AKT3: variants seen among roughly 807,000 people sequenced by gnomAD.
The protein encoded by AKT3 is RAC-gamma serine/threonine-protein kinase.
In AKT3, 15 loss-of-function variants were observed where a neutral mutation model predicts 65.3. The ratio of observed to expected loss-of-function variants is 0.23; its 90% CI spans 0.15 to 0.35. The LOEUF is 0.35. Among genes scored for constraint, AKT3 ranks in the 10% least tolerant of loss-of-function variants. The pLI is 1.00. For missense variants in AKT3, 243 were observed against 576.5 expected, an observed-to-expected ratio of 0.42 and a Z score of 5.92; for synonymous variants, 206 against 183.8, an observed-to-expected ratio of 1.12 and a Z score of -0.98.
intron 2 of AKT3, among the ~76,000 whole-genome samples, chr1:243,773,495 T>C (rs1288016697): frequency 1.3e-5 from 2 of 152,034 alleles, no homozygotes; most frequent in Non-Finnish European, 2.9e-5. Context: ...TAAGCTGTAG[T>C]CCCAGCTACT....
At chr1:243,606,741 T>C (rs1225562659) in intron 8 of AKT3, among the ~76,000 whole-genome samples, 1 of 152,174 alleles carries the variant, frequency 6.6e-6, no homozygotes, top group East Asian at 1.9e-4. Flanking sequence ...TTCAGAGACC[T>C]TTGCAGCAGC....
chr1:243,506,998 T>C (rs1669710681), intron 13 of AKT3, among the ~76,000 whole-genome samples: 1 of 152,254 alleles, frequency 6.6e-6, no homozygotes, highest in Admixed American at 6.5e-5. Context: ...TACGGGCAGC[T>C]AAAACCTTAA....
At chr1:243,780,914 A>C (rs1690867368) in intron 2 of AKT3, among the ~76,000 whole-genome samples, 1 of 152,038 alleles carries the variant, frequency 6.6e-6, no homozygotes, top group East Asian at 1.9e-4. Flanking sequence ...TAAAAAAATA[A>C]GTAAATAAAC....
intron 2 of AKT3, among the ~76,000 whole-genome samples, chr1:243,742,271 A>C (rs1298516842): frequency 6.6e-6 from 1 of 152,162 alleles, no homozygotes; most frequent in Non-Finnish European, 1.5e-5. Context: ...TTTTTAAAAA[A>C]GCAAAACTAG....
chr1:243,850,295 A>C (rs1300897824), upstream of AKT3, among the ~76,000 whole-genome samples: 3 of 118,258 alleles, frequency 2.5e-5, no homozygotes, highest in Non-Finnish European at 5.2e-5. Flanking sequence ...CTGGAGCGGG[A>C]GGCGGCGGCG....
chr1:243,657,570 C>T (rs1318156825), intron 4 of AKT3, among the ~76,000 whole-genome samples: 1 of 151,962 alleles, frequency 6.6e-6, no homozygotes, highest in East Asian at 1.9e-4. Flanking sequence ...GTCAACACCA[C>T]AAAGTAAGCT....
intron 5 of AKT3, among the ~76,000 whole-genome samples, 189 bp downstream of exon 5, chr1:243,645,704 T>A (rs1353534412): frequency 6.6e-6 from 1 of 152,222 alleles, no homozygotes; most frequent in Non-Finnish European, 1.5e-5. Flanking sequence ...AAGTGCTGGA[T>A]CACTGAAACA....
intron 2 of AKT3, among the ~76,000 whole-genome samples, chr1:243,822,490 G>C (rs190946907): frequency 1.5e-3 from 222 of 150,606 alleles, no homozygotes; most frequent in Non-Finnish European, 2.0e-3. Context: ...ACTAATCCAG[G>C]AGCTGGTTTT....
At chr1:243,640,411 C>G (rs1042104118) in intron 5 of AKT3, among the ~76,000 whole-genome samples, 8 of 152,154 alleles carry the variant, frequency 5.3e-5, no homozygotes, top group Non-Finnish European at 2.9e-5. Context: ...TCTCTCTCCC[C>G]GGGCTAACCC....
At chr1:243,549,691 C>T (rs1041128741) in intron 11 of AKT3, among the ~76,000 whole-genome samples, 27 of 152,084 alleles carry the variant, frequency 1.8e-4, no homozygotes, top group African/African-American at 6.3e-4. Flanking sequence ...TCCCAAAGTG[C>T]GGGGATTACA....
intron 2 of AKT3, among the ~76,000 whole-genome samples, chr1:243,780,135 G>C (rs1056836330): frequency 6.6e-6 from 1 of 151,998 alleles, no homozygotes; most frequent in Non-Finnish European, 1.5e-5. Context: ...TAATCTCAAA[G>C]AATCATACGA....
At chr1:243,574,223 G>A (rs1197275964) in intron 8 of AKT3, among the ~76,000 whole-genome samples, 1 of 151,900 alleles carries the variant, frequency 6.6e-6, no homozygotes, top group African/African-American at 2.4e-5. Flanking sequence ...CATAAAACAG[G>A]TTCCCTATAA....
At chr1:243,770,871 CAG>C (rs1462976961) in intron 2 of AKT3, among the ~76,000 whole-genome samples, 2 of 151,972 alleles carry the variant, frequency 1.3e-5, no homozygotes, top group Non-Finnish European at 2.9e-5. Flanking sequence ...ACTGTAGAAA[CAG>C]AGTCTGCCTG....
chr1:243,784,319 G>C (rs1691108290), intron 2 of AKT3, among the ~76,000 whole-genome samples: 1 of 151,986 alleles, frequency 6.6e-6, no homozygotes, highest in Non-Finnish European at 1.5e-5. Context: ...TGCAGGGAAT[G>C]AGGGGGTGAG....
At chr1:243,600,900 G>A (rs1416674658) in intron 8 of AKT3, among the ~76,000 whole-genome samples, 2 of 152,042 alleles carry the variant, frequency 1.3e-5, no homozygotes, top group Non-Finnish European at 2.9e-5. Context: ...ATACTGGTTG[G>A]AAAGCCTATC....
intron 8 of AKT3, among the ~76,000 whole-genome samples, chr1:243,589,306 C>CAAAA (rs758254217): frequency 3.4e-4 from 14 of 40,872 alleles, no homozygotes; most frequent in African/African-American, 1.0e-3. Context: ...AACTCCATCT[C>CAAAA]AAAAAAAAAA....
At chr1:243,680,093 C>A (rs1683812441) in intron 3 of AKT3, among the ~76,000 whole-genome samples, 1 of 152,086 alleles carries the variant, frequency 6.6e-6, no homozygotes, top group Non-Finnish European at 1.5e-5. Context: ...ATTCAGTTAT[C>A]ATGAACTATT....
intron 12 of AKT3, among the ~76,000 whole-genome samples, chr1:243,532,160 T>C (rs113840258): frequency 0.017 from 2,516 of 152,332 alleles, 65 homozygotes; most frequent in African/African-American, 0.058. Flanking sequence ...AACAGAAATG[T>C]TGAAAGTGGT....
In AKT3 at chr1:243,804,703, C is replaced by T. The variant is rs545268704; in HGVS notation, c.46+38422G>A. 4.6e-5 allele frequency among the ~76,000 whole-genome samples: 7 copies of T among 151,998 alleles called. No individual in the cohort carries two copies. The South Asian group carries it at 8.3e-4, about 18-fold the overall frequency. ...CTACTAAAAAATACAAAAAATTAGC[C>T]GGGCGTGGTGGCAGGCACCTGTAGT... On this transcript the variant is annotated intron_variant, in intron 2 of 13. Coordinates refer to ENST00000673466, the MANE Select transcript of AKT3 (RefSeq NM_005465.7).
Sources: allele counts gnomAD v4.1 joint callset (sites outside exome capture counted in the v4.1 genomes callset), GRCh38; gene constraint gnomAD v4.1.1; transcripts MANE v1.5; gene names NCBI Gene and HGNC (gene_info 2026-07-23, HGNC 2026-07-21).